MON2: variants seen among roughly 807,000 people sequenced by gnomAD.
MON2 encodes the protein protein MON2 homolog.
MON2 carries 84 observed loss-of-function variants against 208.6 expected under a neutral mutation model. The ratio of observed to expected loss-of-function variants is 0.40; its 90% confidence interval spans 0.34 to 0.48. The LOEUF is 0.48. MON2 is among the 20% of genes least tolerant of loss of function. The pLI is 0.59. For missense variants in MON2, 1,611 were observed against 2,015.4 expected (o/e 0.80, Z 3.84); for synonymous variants, 660 against 694.0 (o/e 0.95, Z 0.77).
chr12:62,554,369 A>G (rs2073875232), intron 24 of MON2, among the ~76,000 whole-genome samples: 1 of 152,252 alleles, frequency 6.6e-6, no homozygotes, highest in South Asian at 2.1e-4. Flanking sequence ...GTTTCTGATT[A>G]TTTTGGCCTG....
rs1261726911 is a variant in MON2, at chr12:62,467,233, C to T, written c.26C>T (p.Ala9Val). The part of the protein sequence containing the change: MSGTSSPE[A>V]VKKLLENMQS... Reference sequence around the variant, plus strand: ...ATGTCCGGCACCAGCAGCCCCGAGGCGGTGAAGAAGCTGCTGGAGAATATG... The same window carrying T: ...ATGTCCGGCACCAGCAGCCCCGAGGTGGTGAAGAAGCTGCTGGAGAATATG... The change falls in exon 1 of 35, where the codon GCG becomes GTG. Residue 9 changes from alanine to valine, a missense_variant. Ala to Val is a moderately conservative substitution (Grantham distance 64). Coordinates refer to ENST00000393630, the MANE Select transcript of MON2 (RefSeq NM_015026.3). 1.2e-6 allele frequency: 2 copies of T among 1,613,408 alleles called. No individual in the cohort carries two copies. Among genetic ancestry groups the T allele is most frequent in the South Asian group, 1.1e-5 (1 of 91,078 alleles).
At chr12:62,591,712 A>C (rs2136517658) in intron 34 of MON2, among the ~76,000 whole-genome samples, 2 of 152,324 alleles carry the variant, frequency 1.3e-5, no homozygotes, top group East Asian at 3.9e-4. Context: ...TTGACCAGGG[A>C]CACCCATCAT....
At chr12:62,507,485 T>TTTG (rs557706372) in intron 7 of MON2, among the ~76,000 whole-genome samples, 5 of 151,508 alleles carry the variant, frequency 3.3e-5, no homozygotes, top group East Asian at 1.9e-4. Flanking sequence ...CCAGCTAATT[T>TTTG]TTGTTGTTGT....
rs527278563 is a variant in MON2 at position 62,575,267 on chromosome 12, T to C, written c.4515-3178T>C. On this transcript the variant is annotated intron_variant, in intron 30 of 34. Coordinates refer to ENST00000393630, the MANE Select transcript of MON2 (RefSeq NM_015026.3). The stretch of plus-strand genomic sequence containing the variant: ...TACTTTAAGGCTCAAATTGAAAGCT[T>C]TTATTGGTCAGTTGATACTAAAAGT... 4.6e-5 allele frequency among the ~76,000 whole-genome samples: 7 copies of C among 152,340 alleles called. No homozygotes were observed. In the South Asian group the frequency reaches 1.0e-3, roughly 23 times the overall value.
intron 1 of MON2, among the ~76,000 whole-genome samples, chr12:62,469,269 C>A (rs942599288): frequency 9.2e-5 from 14 of 151,896 alleles, no homozygotes; most frequent in Non-Finnish European, 2.1e-4. Context: ...TCCCTTGAGC[C>A]CAGGCGGTCA....
chr12:62,526,220 G>T, intron 11 of MON2, 118 bp downstream of exon 11: 2 of 941,896 alleles, frequency 2.1e-6, no homozygotes, highest in African/African-American at 1.7e-5. Context: ...GTATTTTAGA[G>T]CTCATTTTCT....
At chr12:62,555,960 A>G (rs1224030230) in intron 24 of MON2, 34 bp from the exon 25 acceptor site, 3 of 1,462,900 alleles carry the variant, frequency 2.1e-6, no homozygotes, top group Non-Finnish European at 1.9e-6. Flanking sequence ...TATATTATCA[A>G]TGCATTTTAA....
At chr12:62,565,201 A>G in intron 26 of MON2, 36 bp from the exon 27 acceptor site, 1 of 1,596,582 alleles carries the variant, frequency 6.3e-7, no homozygotes, top group Non-Finnish European at 8.6e-7. Flanking sequence ...TGGAGTTCAG[A>G]TTATGCATTC....
chr12:62,516,937 A>T (rs2071730674), intron 8 of MON2, among the ~76,000 whole-genome samples: 1 of 152,210 alleles, frequency 6.6e-6, no homozygotes, highest in East Asian at 1.9e-4. Context: ...TAATTACAAT[A>T]TAGTAATATC....
At chr12:62,570,776 G>T (rs551120880) in intron 29 of MON2, among the ~76,000 whole-genome samples, 3 of 129,818 alleles carry the variant, frequency 2.3e-5, no homozygotes, top group South Asian at 4.9e-4. Flanking sequence ...CTCTGTTGCC[G>T]GGCTGGAGTA....
At chr12:62,586,333 G>T (rs115591487) in intron 33 of MON2, among the ~76,000 whole-genome samples, 3 of 152,258 alleles carry the variant, frequency 2.0e-5, no homozygotes, top group African/African-American at 7.2e-5. Context: ...AATTTCTGAA[G>T]TTGGAATTGA....
chr12:62,474,393 C>T (rs1207567736), intron 1 of MON2, among the ~76,000 whole-genome samples: 7 of 151,924 alleles, frequency 4.6e-5, no homozygotes, highest in African/African-American at 1.7e-4. Context: ...GTTGGGGTTA[C>T]AGGTGTGAGC....
chr12:62,549,080 T>C (rs2073626565), intron 22 of MON2, among the ~76,000 whole-genome samples: 1 of 152,174 alleles, frequency 6.6e-6, no homozygotes, highest in South Asian at 2.1e-4. Context: ...TTTGGTTAGT[T>C]GGTATGAAAT....
At chr12:62,589,744 T>TAAAAAAAAAAAAAAAAAA (rs5798649) in intron 34 of MON2, among the ~76,000 whole-genome samples, 2 of 113,640 alleles carry the variant, frequency 1.8e-5, no homozygotes, top group Non-Finnish European at 1.8e-5. Flanking sequence ...ACCCCATCTT[T>TAAAAAAAAAAAAAAAAAA]AAAAAAAAAA....
At chr12:62,532,363 A>C (rs1275620990) in intron 11 of MON2, 75 bp from the exon 12 acceptor site, 36 of 1,077,154 alleles carry the variant, frequency 3.3e-5, no homozygotes, top group Non-Finnish European at 4.7e-5. Context: ...ATAGTCTGTA[A>C]ATTGTAGAAA....
At position 62,598,786 on chromosome 12, in the gene MON2, C is replaced by T. The variant is rs984417077; in HGVS notation, c.*6037C>T. The stretch of plus-strand genomic sequence containing the variant: ...TGTATTGGCCTCAAACCCAAATTTT[C>T]TTTGTAGTCTAGGATAGATTTTTCA... On this transcript the variant is annotated 3_prime_UTR_variant, in exon 35 of 35. Transcript: ENST00000393630. 5.3e-5 allele frequency: 8 copies of T among 152,042 alleles called. No homozygotes were observed. The highest frequency in any genetic ancestry group is 1.9e-4 in the African/African-American group (8 of 41,400). 9.4% of individuals were successfully genotyped at this position (152,042 alleles called of 1,614,324 possible).
chr12:62,511,067 C>T (rs2071370708), intron 8 of MON2, among the ~76,000 whole-genome samples: 1 of 151,986 alleles, frequency 6.6e-6, no homozygotes, highest in South Asian at 2.1e-4. Context: ...AGGTGAAAGA[C>T]CTATGCACTG....
intron 19 of MON2, among the ~76,000 whole-genome samples, chr12:62,541,496 CTG>C (rs1434792614): frequency 6.6e-6 from 1 of 152,054 alleles, no homozygotes; most frequent in Non-Finnish European, 1.5e-5. Context: ...CTGTTGTTCA[CTG>C]TTTACTGTAT....
chr12:62,519,537 G>A (rs1269672995), intron 8 of MON2, among the ~76,000 whole-genome samples: 3 of 152,028 alleles, frequency 2.0e-5, no homozygotes, highest in African/African-American at 7.2e-5. Flanking sequence ...CCTATTACAT[G>A]TTAACATAAA....
Sources: allele counts gnomAD v4.1 joint callset (sites outside exome capture counted in the v4.1 genomes callset), GRCh38; gene constraint gnomAD v4.1.1; transcripts MANE v1.5; gene names NCBI Gene and HGNC (gene_info 2026-07-23, HGNC 2026-07-21).